RALGAPA1: variants seen among roughly 807,000 people sequenced by gnomAD.
RALGAPA1 encodes the protein Ral GTPase activating protein catalytic subunit alpha 1, also known as ral GTPase-activating protein subunit alpha-1.
Under a neutral mutation model 269.6 loss-of-function variants are expected in RALGAPA1, and 52 were observed. That is an observed-to-expected ratio of 0.19 (90% CI 0.15 to 0.24). The LOEUF is 0.24. Ranked by LOEUF, RALGAPA1 falls within the 10% of genes least tolerant of loss-of-function variation. The pLI is 1.00. For missense variants in RALGAPA1, 1,917 were observed against 3,013.9 expected, an observed-to-expected ratio of 0.64 and a Z score of 8.52; for synonymous variants, 817 against 1,008.3, an observed-to-expected ratio of 0.81 and a Z score of 3.60.
intron 10 of RALGAPA1, among the ~76,000 whole-genome samples, chr14:35,746,447 AT>A (rs2072107145): frequency 6.6e-6 from 1 of 152,174 alleles, no homozygotes. Flanking sequence ...TAAGGCCATG[AT>A]TATGTTAACC....
chr14:35,727,310 CATATATATATAT>C (rs34288628), intron 13 of RALGAPA1, among the ~76,000 whole-genome samples: 2,659 of 104,472 alleles, frequency 0.025, 67 homozygotes, highest in Non-Finnish European at 0.038. Context: ...AAAATTATGG[CATATATATATAT>C]ATATATATAT....
intron 37 of RALGAPA1, among the ~76,000 whole-genome samples, chr14:35,582,806 G>T (rs536500814): frequency 6.6e-6 from 1 of 152,254 alleles, no homozygotes; most frequent in Non-Finnish European, 1.5e-5. Flanking sequence ...TTTTACCAAA[G>T]CCTAATCTAC....
At chr14:35,763,087 T>C (rs1447039689) in intron 4 of RALGAPA1, among the ~76,000 whole-genome samples, 1 of 152,228 alleles carries the variant, frequency 6.6e-6, no homozygotes, top group Non-Finnish European at 1.5e-5. Flanking sequence ...AAATCCACTA[T>C]AGAAAATTTT....
At chr14:35,666,707 A>C (rs2063972769) in intron 26 of RALGAPA1, among the ~76,000 whole-genome samples, 1 of 152,226 alleles carries the variant, frequency 6.6e-6, no homozygotes, top group African/African-American at 2.4e-5. Flanking sequence ...AGGATGTTAC[A>C]TAATGCATAG....
intron 26 of RALGAPA1, among the ~76,000 whole-genome samples, chr14:35,665,524 T>C (rs79668460): frequency 0.032 from 4,901 of 152,282 alleles, 129 homozygotes; most frequent in Non-Finnish European, 0.044. Flanking sequence ...AATACTTCTA[T>C]TCACATAAAT....
chr14:35,664,834 T>C (rs2063805266), intron 26 of RALGAPA1, 67 bp from the exon 27 acceptor site: 3 of 1,496,666 alleles, frequency 2.0e-6, no homozygotes, highest in South Asian at 2.5e-5. Flanking sequence ...AAAAGTTGCT[T>C]TGTTATCCAA....
At chr14:35,769,964 T>C (rs1333159705) in intron 4 of RALGAPA1, among the ~76,000 whole-genome samples, 1 of 152,160 alleles carries the variant, frequency 6.6e-6, no homozygotes, top group Non-Finnish European at 1.5e-5. Context: ...GCTATCTTAA[T>C]AGTAAAGCCA....
chr14:35,660,453 G>A lies in RALGAPA1; in HGVS notation c.5329-1257C>T, dbSNP rs139990536. On this transcript the variant is annotated intron_variant, in intron 27 of 41. Coordinates refer to ENST00000680220, the MANE Select transcript of RALGAPA1 (RefSeq NM_001346249.2). ...CTTAGGAATACGTATAACAAAAGAG[G>A]TAAAAGACCTGTACGCGGAAAACTA... 1.9e-3 allele frequency among the ~76,000 whole-genome samples: 290 copies of A among 152,082 alleles called. 1 individual carries two copies. Among genetic ancestry groups the A allele is most frequent in the African/African-American group, 6.7e-3 (277 of 41,524 alleles).
intron 1 of RALGAPA1, among the ~76,000 whole-genome samples, chr14:35,778,475 A>G (rs757345614): frequency 6.6e-6 from 1 of 152,116 alleles, no homozygotes; most frequent in Non-Finnish European, 1.5e-5. Context: ...TTTCTCTTTT[A>G]TGGAAAGAAC....
chr14:35,650,234 A>C (rs537720264), intron 31 of RALGAPA1, among the ~76,000 whole-genome samples: 1 of 151,938 alleles, frequency 6.6e-6, no homozygotes, highest in East Asian at 1.9e-4. Flanking sequence ...AAAAATAAAA[A>C]ATTAGCCAGG....
chr14:35,664,913 A>C, intron 26 of RALGAPA1, 146 bp from the exon 27 acceptor site: 1 of 674,216 alleles, frequency 1.5e-6, no homozygotes, highest in Non-Finnish European at 2.5e-6. Flanking sequence ...AAAAAGATTT[A>C]AGTTTCCATT....
chr14:35,598,414 T>TTTTA (rs759408468), intron 36 of RALGAPA1, among the ~76,000 whole-genome samples: 1 of 148,656 alleles, frequency 6.7e-6, no homozygotes, highest in Admixed American at 6.7e-5. Context: ...TATATATATA[T>TTTTA]TTTATTTATT....
intron 41 of RALGAPA1, chr14:35,541,715 G>A (rs959251024): frequency 3.7e-5 from 17 of 456,608 alleles, no homozygotes; most frequent in African/African-American, 2.6e-4. Flanking sequence ...CGGCCATCAC[G>A]AGAGGCCCTC....
rs142691587 is a variant in RALGAPA1, at chr14:35,725,170, T to C, written c.1737-17A>G. 1.9e-5 allele frequency: 29 copies of C among 1,514,582 alleles called. No individual in the cohort carries two copies. The Admixed American group carries it at 6.0e-4, about 31-fold the overall frequency. The allele number at this position is 1,514,582 out of a possible 1,614,324, so 93.8% of individuals were successfully genotyped here. A position where few individuals can be genotyped will look rare whatever the true frequency, so the allele number is the denominator to read the frequency against. ...ATCTGTTCCCTTAAAATAAAAAGAC[T>C]GATTAATGTTTCCTTCTTGCATATG... On this transcript the variant is annotated splice_polypyrimidine_tract_variant and intron_variant, in intron 13 of 41. Transcript: ENST00000680220.
intron 11 of RALGAPA1, among the ~76,000 whole-genome samples, chr14:35,740,182 T>C (rs1038604854): frequency 7.9e-5 from 12 of 152,178 alleles, no homozygotes; most frequent in African/African-American, 2.7e-4. Context: ...TCTAGGATCA[T>C]AGCAGTAACA....
At chr14:35,720,763 T>C (rs10132635) in intron 16 of RALGAPA1, among the ~76,000 whole-genome samples, 17,616 of 152,088 alleles carry the variant, frequency 0.12, 1,113 homozygotes, top group South Asian at 0.14. Flanking sequence ...CCTGTCTCTA[T>C]GAAAAATAAA....
intron 17 of RALGAPA1, among the ~76,000 whole-genome samples, chr14:35,695,791 C>T (rs937266598): frequency 1.3e-5 from 2 of 152,062 alleles, no homozygotes; most frequent in Admixed American, 6.5e-5. Flanking sequence ...TGCTTAAGAA[C>T]GATGATTCAG....
chr14:35,607,086 T>A (rs995976608), intron 35 of RALGAPA1, among the ~76,000 whole-genome samples: 4 of 152,212 alleles, frequency 2.6e-5, no homozygotes, highest in Admixed American at 1.3e-4. Flanking sequence ...ACACAGCTTA[T>A]CTGCTGAAAA....
At chr14:35,724,544 G>C (rs1275759051) in intron 14 of RALGAPA1, among the ~76,000 whole-genome samples, 3 of 151,496 alleles carry the variant, frequency 2.0e-5, no homozygotes, top group Admixed American at 6.6e-5. Context: ...TGAGAAGGGA[G>C]GATAATAAAG....
Sources: gnomAD v4.1 joint callset for allele counts (sites outside exome capture counted in the v4.1 genomes callset) on GRCh38, gnomAD v4.1.1 for gene constraint, MANE v1.5 for transcripts, NCBI Gene and HGNC (gene_info 2026-07-23, HGNC 2026-07-21) for gene names.